Variants in NCKAP5 observed in about 807,000 individuals in gnomAD.
NCKAP5 encodes NCK associated protein 5.
Under a neutral mutation model 167.0 loss-of-function variants are expected in NCKAP5, and 92 were observed. That is an observed-to-expected ratio of 0.55 (90% CI 0.47 to 0.66). The LOEUF is 0.66. Ranked by LOEUF, NCKAP5 falls within the 30% of genes least tolerant of loss-of-function variation. NCKAP5 has a pLI of 0.00. For missense variants in NCKAP5, 2,378 were observed against 2,315.0 expected, an observed-to-expected ratio of 1.03 and a Z score of -0.56; for synonymous variants, 891 against 877.4, an observed-to-expected ratio of 1.02 and a Z score of -0.27.
At chr2:133,508,213 C>T (rs1305370808) in intron 3 of NCKAP5, among the ~76,000 whole-genome samples, 1 of 152,106 alleles carries the variant, frequency 6.6e-6, no homozygotes, top group African/African-American at 2.4e-5. Context: ...GAGTCACACC[C>T]CATTCTTTTA....
At chr2:133,530,483 T>A (rs1685275877) in intron 2 of NCKAP5, among the ~76,000 whole-genome samples, 1 of 152,186 alleles carries the variant, frequency 6.6e-6, no homozygotes. Context: ...TTAAATTGGA[T>A]TGAATTTAAA....
chr2:133,341,469 A>G (rs1283647873), intron 3 of NCKAP5, among the ~76,000 whole-genome samples: 1 of 152,168 alleles, frequency 6.6e-6, no homozygotes, highest in Non-Finnish European at 1.5e-5. Context: ...GGTAATTTTG[A>G]TATTTTATTC....
Position 132,796,631 on chromosome 2 carries a change from C to A in NCKAP5, c.906G>T (p.Val302=), listed in dbSNP as rs1362927590. ...TGAAGGCAACTGGGAAACTCACGTG[C>A]ACCTCAGCATCAGTTCGTGACTGTG... ...SLTQSRTDAE[V]HEHQLNTKSA... is the part of the protein sequence containing the mutation. The change falls in exon 12 of 20, where the codon GTG becomes GTT. Residue 302 remains valine, a synonymous_variant. Transcript: ENST00000409261. The A allele has an allele frequency of 3.1e-6, 5 of 1,607,654 alleles. No individual in the cohort carries two copies. Among genetic ancestry groups the A allele is most frequent in the Non-Finnish European group, 3.4e-6 (4 of 1,175,612 alleles).
the NCKAP5 span, among the ~76,000 whole-genome samples, chr2:133,618,566 A>C: frequency 6.6e-6 from 1 of 151,076 alleles, no homozygotes; most frequent in African/African-American, 2.4e-5. Flanking sequence ...GCTCACCATC[A>C]CTGGCCATCA....
intron 3 of NCKAP5, among the ~76,000 whole-genome samples, chr2:133,480,365 A>T (rs1294482049): frequency 6.6e-6 from 1 of 151,844 alleles, no homozygotes; most frequent in East Asian, 1.9e-4. Flanking sequence ...TAACAAACAC[A>T]CTCCAGCTTC....
At chr2:133,565,447 A>G (rs1688478736) in intron 1 of NCKAP5, among the ~76,000 whole-genome samples, 1 of 152,250 alleles carries the variant, frequency 6.6e-6, no homozygotes, top group African/African-American at 2.4e-5. Flanking sequence ...CTCATTATCC[A>G]CATTTTAAAG....
At chr2:132,748,214 T>C (rs1310372162) in intron 16 of NCKAP5, among the ~76,000 whole-genome samples, 5 of 152,200 alleles carry the variant, frequency 3.3e-5, no homozygotes, top group Non-Finnish European at 7.3e-5. Context: ...GAGAGAGAAG[T>C]TGACTCTCTG....
At chr2:133,101,142 C>A (rs1312195367) in intron 6 of NCKAP5, among the ~76,000 whole-genome samples, 1 of 149,192 alleles carries the variant, frequency 6.7e-6, no homozygotes, top group Non-Finnish European at 1.5e-5. Context: ...TTTCCCAGCA[C>A]CATTTATTAA....
At chr2:133,038,233 G>C (rs542089050) in intron 6 of NCKAP5, among the ~76,000 whole-genome samples, 1 of 152,090 alleles carries the variant, frequency 6.6e-6, no homozygotes, top group Non-Finnish European at 1.5e-5. Context: ...TTCATCAACA[G>C]ATGAATGGAT....
chr2:132,693,332 C>G (rs1479277360), intron 19 of NCKAP5, among the ~76,000 whole-genome samples: 1 of 152,018 alleles, frequency 6.6e-6, no homozygotes, highest in Non-Finnish European at 1.5e-5. Flanking sequence ...AAGGTACACC[C>G]TCAATCCAAT....
In NCKAP5 at chr2:133,465,097, T is replaced by C. The variant is rs985975756; in HGVS notation, c.69+52361A>G. On this transcript the variant is annotated intron_variant, in intron 3 of 19. Transcript: ENST00000409261. ...TATGTATACATGTGCCATGCTGGTGTGCTGTACCCACTAACTCGTCATCTA... is the reference window on the plus strand; with the variant it reads ...TATGTATACATGTGCCATGCTGGTGCGCTGTACCCACTAACTCGTCATCTA... Among the ~76,000 whole-genome samples the C allele has an allele frequency of 5.3e-5, 8 of 151,768 alleles. No homozygotes were observed. The East Asian group carries it at 7.8e-4, about 15-fold the overall frequency.
chr2:133,390,163 C>T (rs1435296091), intron 3 of NCKAP5, among the ~76,000 whole-genome samples: 2 of 152,236 alleles, frequency 1.3e-5, no homozygotes, highest in African/African-American at 2.4e-5. Context: ...GCTGTGACCC[C>T]AACCCTCCAG....
intron 8 of NCKAP5, among the ~76,000 whole-genome samples, chr2:132,939,986 G>A (rs906033853): frequency 1.3e-5 from 2 of 152,056 alleles, no homozygotes; most frequent in African/African-American, 4.8e-5. Context: ...GGTGGAGTGA[G>A]ATGCTGTCTA....
chr2:133,545,573 C>A (rs61590587), intron 2 of NCKAP5, among the ~76,000 whole-genome samples: 2,750 of 152,192 alleles, frequency 0.018, 122 homozygotes, highest in East Asian at 0.17. Context: ...AGGGCAGGCT[C>A]CAAGTCGAAT....
the NCKAP5 span, among the ~76,000 whole-genome samples, chr2:133,575,589 G>A: frequency 6.6e-6 from 1 of 152,176 alleles, no homozygotes; most frequent in African/African-American, 2.4e-5. Context: ...GAAGAGTGTA[G>A]ACAGTATAGT....
At chr2:133,542,024 C>A (rs1462397832) in intron 2 of NCKAP5, among the ~76,000 whole-genome samples, 1 of 152,116 alleles carries the variant, frequency 6.6e-6, no homozygotes, top group Non-Finnish European at 1.5e-5. Flanking sequence ...GGACTGAATT[C>A]TCTCACATGG....
chr2:132,698,551 G>A (rs1428103100), intron 19 of NCKAP5, among the ~76,000 whole-genome samples: 2 of 152,116 alleles, frequency 1.3e-5, no homozygotes, highest in Non-Finnish European at 2.9e-5. Context: ...AATGCAAATT[G>A]TGGCCGGGAG....
the NCKAP5 span, among the ~76,000 whole-genome samples, chr2:133,670,884 G>C: frequency 6.6e-6 from 1 of 152,166 alleles, no homozygotes; most frequent in South Asian, 2.1e-4. Flanking sequence ...CTGTAGCAAA[G>C]GCCCTAATAT....
chr2:133,526,088 T>A (rs1684846588), intron 2 of NCKAP5, among the ~76,000 whole-genome samples: 1 of 151,552 alleles, frequency 6.6e-6, no homozygotes, highest in Non-Finnish European at 1.5e-5. Context: ...CTATACCTAT[T>A]TTGTCCCAGG....
Sources: allele counts gnomAD v4.1 joint callset (sites outside exome capture counted in the v4.1 genomes callset), GRCh38; gene constraint gnomAD v4.1.1; transcripts MANE v1.5; gene names NCBI Gene and HGNC (gene_info 2026-07-23, HGNC 2026-07-21).